TIMM44: variants seen among roughly 807,000 people sequenced by gnomAD.
The protein encoded by TIMM44 is mitochondrial import inner membrane translocase subunit TIM44.
Under a neutral mutation model 63.8 loss-of-function variants are expected in TIMM44, and 37 were observed. That is an observed-to-expected ratio of 0.58 (90% CI 0.45 to 0.76). The LOEUF (loss-of-function observed/expected upper bound fraction) is 0.76. Ranked by LOEUF, TIMM44 falls within the 30% of genes least tolerant of loss-of-function variation. The probability of loss-of-function intolerance (pLI) is 0.00; values close to 1 mark genes in which losing one functional copy is unlikely to be tolerated. For synonymous variants in TIMM44, 239 were observed against 245.1 expected, an observed-to-expected ratio of 0.98 and a Z score of 0.23; for missense variants, 573 against 603.8, an observed-to-expected ratio of 0.95 and a Z score of 0.54.
Position 7,933,146 on chromosome 19 carries a change from G to A in TIMM44, c.770-214C>T, listed in dbSNP as rs1984036322. The stretch of plus-strand genomic sequence containing the variant: ...CAGGCGCAGAGGCCCCTCAGCTGCG[G>A]CCCTAATGGGGCTGTGTAAGTTATG... On this transcript the variant is annotated intron_variant, in intron 7 of 12. Transcript: ENST00000270538. This position sits in a 1 kb window ranked among gnomAD's most constrained non-coding sequence, Gnocchi z 4.3. Among the ~76,000 whole-genome samples the A allele has an allele frequency of 6.6e-6, 1 of 152,144 alleles. No homozygotes were observed. The highest frequency in any genetic ancestry group is 1.5e-5 in the Non-Finnish European group (1 of 68,016).
chr19:7,937,268 C>CATAAA lies in TIMM44; in HGVS notation c.312+754_312+758dup, dbSNP rs113949042. On this transcript the variant is annotated intron_variant, in intron 3 of 12. Transcript: ENST00000270538. ...TGGATGACAGAGCAAGACTCCATCT[C>CATAAA]ATAAAATAAAATAAAATAAAATAAA... Among the ~76,000 whole-genome samples, 830 of 152,216 alleles carry CATAAA rather than the reference C, an allele frequency of 5.5e-3. 7 individuals are homozygous for CATAAA. Among genetic ancestry groups the CATAAA allele is most frequent in the African/African-American group, 9.3e-3 (388 of 41,518 alleles).
At position 7,935,157 on chromosome 19, in the gene TIMM44, G is replaced by A. The variant is rs1381965127; in HGVS notation, c.313-12C>T. 7.0e-6 allele frequency: 11 copies of A among 1,568,014 alleles called. No homozygotes were observed. Among genetic ancestry groups the A allele is most frequent in the Non-Finnish European group, 8.7e-6 (10 of 1,145,598 alleles). On this transcript the variant is annotated splice_polypyrimidine_tract_variant and intron_variant, in intron 3 of 12. Transcript: ENST00000270538. The stretch of plus-strand genomic sequence containing the variant: ...GACTCGATGGTTTTCTAGGTAAAGA[G>A]CGCTGTGTCCTTTTTTTTTTTTTTT...
intron 12 of TIMM44, 64 bp downstream of exon 12, chr19:7,927,593 G>A: frequency 3.4e-6 from 5 of 1,492,358 alleles, no homozygotes; most frequent in Non-Finnish European, 4.7e-6. Flanking sequence ...CTGCCAGGTG[G>A]CCACACACAG....
At position 7,943,602 on chromosome 19, in the gene TIMM44, C is replaced by T. The variant is rs761667987; in HGVS notation, c.45+5G>A. 1.3e-6 allele frequency: 2 copies of T among 1,563,128 alleles called. No homozygotes were observed. The highest frequency in any genetic ancestry group is 1.7e-6 in the Non-Finnish European group (2 of 1,160,988). ...TCGCCCTGCCAGCGCCGCACCGCCG[C>T]TCACCCGTGGACAGCGGCACCAGCC... On this transcript the variant is annotated splice_donor_5th_base_variant and intron_variant, in intron 1 of 12. Transcript: ENST00000270538. The surrounding 1 kb of genome is among the most constrained non-coding windows in gnomAD (Gnocchi z 4.3).
chr19:7,937,680 G>C (rs1355107588), intron 3 of TIMM44: 1 of 331,458 alleles, frequency 3.0e-6, no homozygotes, highest in Non-Finnish European at 5.8e-6. Context: ...CCCTGGCCTG[G>C]AGAAACCCTG....
chr19:7,930,038 A>G (rs186908530), intron 10 of TIMM44, among the ~76,000 whole-genome samples: 2,228 of 151,830 alleles, frequency 0.015, 48 homozygotes, highest in African/African-American at 0.051. Flanking sequence ...TAGTAGAGAC[A>G]GGGTTTCACC....
chr19:7,929,601 C>G (rs1235843060), intron 10 of TIMM44, among the ~76,000 whole-genome samples: 1 of 152,180 alleles, frequency 6.6e-6, no homozygotes, highest in Admixed American at 6.5e-5. Flanking sequence ...ACACTTCATT[C>G]TCACGACCCG....
chr19:7,935,113 G>T lies in TIMM44; in HGVS notation c.345C>A (p.Ser115Arg). The change falls in exon 4 of 13, where the codon AGC becomes AGA. Residue 115 changes from serine (S) to arginine (R), a missense_variant. Ser to Arg is a moderately radical substitution (Grantham distance 110, BLOSUM62 -1). Transcript: ENST00000270538. ...KTIESETVRT[S>R]EVLRKKLGEL... ...CCCCAAGCTTCTTCCGTAGCACCTC[G>T]CTCGTCCGCACGGTTTCTGACTCGA... The T allele has an allele frequency of 6.2e-7, 1 of 1,613,078 alleles. No individual in the cohort carries two copies. Among genetic ancestry groups the T allele is most frequent in the Non-Finnish European group, 8.5e-7 (1 of 1,179,858 alleles).
Position 7,934,478 on chromosome 19 carries a change from G to A in TIMM44, c.394-240C>T, listed in dbSNP as rs1984085908. On this transcript the variant is annotated intron_variant, in intron 4 of 12. Coordinates refer to ENST00000270538, the MANE Select transcript of TIMM44 (RefSeq NM_006351.4). The surrounding 1 kb of genome is among the most constrained non-coding windows in gnomAD (Gnocchi z 5.3). ...AGCACACCGGCACCCCCAGAGCCAT[G>A]AGCACACCGGCACCCCCAGAGCCAT... Among the ~76,000 whole-genome samples the A allele has an allele frequency of 6.8e-6, 1 of 147,694 alleles. No individual in the cohort carries two copies. The highest frequency in any genetic ancestry group is 2.1e-4 in the South Asian group (1 of 4,696).
rs150691815 is a variant in TIMM44 at position 7,934,778 on chromosome 19, C to T, written c.393+287G>A. Among the ~76,000 whole-genome samples, 26 of 152,336 alleles carry T rather than the reference C, an allele frequency of 1.7e-4. No individual in the cohort carries two copies. In the East Asian group the frequency reaches 5.0e-3, roughly 29 times the overall value. On this transcript the variant is annotated intron_variant, in intron 4 of 12. Transcript: ENST00000270538. This position sits in a 1 kb window ranked among gnomAD's most constrained non-coding sequence, Gnocchi z 5.3. ...TCGGGAGGGGGTGGAAGCGGCCCCT[C>T]TCCTCCTATTTTTAGGCAGGAAAAA...
rs761215044 is a variant in TIMM44 at position 7,938,059 on chromosome 19, A to G, written c.280T>C (p.Ser94Pro). 1 of 1,614,074 alleles carries G rather than the reference A, an allele frequency of 6.2e-7. No homozygotes were observed. The highest frequency in any genetic ancestry group is 1.7e-5 in the Admixed American group (1 of 59,990). The change falls in exon 3 of 13, where the codon TCA (serine) becomes CCA (proline). Residue 94 changes from serine (S) to proline (P), a missense_variant. By Grantham distance (74) the Ser-to-Pro change is moderately conservative. Transcript: ENST00000270538. The part of the protein sequence containing the change: ...FRDEARRLEE[S>P]DVLQEARRKY... Reference sequence around the variant, plus strand: ...CTTCTGGCCTCCTGGAGCACGTCTGATTCTTCTAGCCTTCTGGCCTCGTCA... The same window carrying G: ...CTTCTGGCCTCCTGGAGCACGTCTGGTTCTTCTAGCCTTCTGGCCTCGTCA...
chr19:7,927,666 C>T lies in TIMM44; in HGVS notation c.1230G>A (p.Glu410=), dbSNP rs991924572. 1.2e-6 allele frequency: 2 copies of T among 1,613,474 alleles called. No homozygotes were observed. The highest frequency in any genetic ancestry group is 8.5e-7 in the Non-Finnish European group (1 of 1,180,016). The part of the protein sequence containing the change: ...VVRNPKGEVV[E]GDPDKVLRML... ...CCACTCCCTCACTCACCGGGTCACC[C>T]TCCACCACCTCGCCTTTGGGGTTCC... Residue 410 remains glutamate, a synonymous_variant, in exon 12 of 13, where the codon GAG becomes GAA. Coordinates refer to ENST00000270538, the MANE Select transcript of TIMM44 (RefSeq NM_006351.4).
At chr19:7,929,348 G>A (rs3810213) in intron 10 of TIMM44, among the ~76,000 whole-genome samples, 17,620 of 152,232 alleles carry the variant, frequency 0.12, 1,081 homozygotes, top group Non-Finnish European at 0.13. Context: ...CCTTCCTGGT[G>A]TGGGAAGACT....
Position 7,932,656 on chromosome 19 carries a change from C to T in TIMM44, c.958G>A (p.Glu320Lys). ...AGGACATTGGGGATGATGTCGTTCT[C>T]GCACTGTTTCAGAAACCGGTCCTTG... is the stretch of plus-strand genomic sequence containing the variant. ...FDKDRFLKQCENDIIPNVLEA... is the reference protein window; with the variant it reads ...FDKDRFLKQCKNDIIPNVLEA... The change falls in exon 9 of 13, where the codon GAG (glutamate) becomes AAG (lysine). Residue 320 changes from glutamate (E) to lysine (K), a missense_variant. Coordinates refer to ENST00000270538, the MANE Select transcript of TIMM44 (RefSeq NM_006351.4). 6.2e-7 allele frequency: 1 copy of T among 1,614,090 alleles called. No homozygotes were observed. The highest frequency in any genetic ancestry group is 8.5e-7 in the Non-Finnish European group (1 of 1,180,022).
chr19:7,934,134 G>A lies in TIMM44; in HGVS notation c.498C>T (p.Gly166=), dbSNP rs780005890. Residue 166 remains glycine, a synonymous_variant, in exon 5 of 13, where the codon GGC becomes GGT. Transcript: ENST00000270538. The surrounding 1 kb of genome is among the most constrained non-coding windows in gnomAD (Gnocchi z 5.3). ...AKQSAESVSK[G]GEKLGRTAAF... is the part of the protein sequence containing the mutation. ...CCGCTGTCCTGCCCAGCTTCTCCCC[G>A]CCTTTGGATACCGACTCGGCCGACT... The A allele has an allele frequency of 6.2e-6, 10 of 1,613,320 alleles. No homozygotes were observed. In the East Asian group the frequency reaches 1.3e-4, roughly 22 times the overall value.
intron 10 of TIMM44, 124 bp downstream of exon 10, chr19:7,931,014 C>A: frequency 1.2e-6 from 1 of 820,326 alleles, no homozygotes. Context: ...GTGAGGATTC[C>A]CCCACCGGGA....
chr19:7,932,132 T>C (rs572521856), intron 9 of TIMM44: 5 of 177,700 alleles, frequency 2.8e-5, no homozygotes, highest in South Asian at 1.3e-4. Context: ...GAGAGGCTTA[T>C]AGGGGGCAGG....
chr19:7,939,521 G>A (rs1045622371), intron 2 of TIMM44, among the ~76,000 whole-genome samples: 1 of 151,226 alleles, frequency 6.6e-6, no homozygotes, highest in Non-Finnish European at 1.5e-5. Flanking sequence ...GCTGAGGCAG[G>A]AGAATCACTT....
In TIMM44 at chr19:7,934,115, T is replaced by C. The variant is rs1433712721; in HGVS notation, c.517A>G (p.Thr173Ala). 2 of 1,613,358 alleles carry C rather than the reference T, an allele frequency of 1.2e-6. No individual in the cohort carries two copies. The highest frequency in any genetic ancestry group is 4.5e-5 in the East Asian group (2 of 44,866). Residue 173 changes from threonine to alanine, a missense_variant, in exon 5 of 13, where the codon ACA becomes GCA. Thr to Ala is a moderately conservative substitution (Grantham distance 58). Transcript: ENST00000270538. The surrounding 1 kb of genome is among the most constrained non-coding windows in gnomAD (Gnocchi z 5.3). ...TGGGAGAGGGCTCTGAAGGCCGCTG[T>C]CCTGCCCAGCTTCTCCCCGCCTTTG... The part of the protein sequence containing the change: ...VSKGGEKLGR[T>A]AAFRALSQGV...
Sources: gnomAD v4.1 joint callset for allele counts (sites outside exome capture counted in the v4.1 genomes callset) on GRCh38, gnomAD v4.1.1 for gene constraint, Gnocchi (gnomAD v3.1) non-coding constraint, MANE v1.5 for transcripts, NCBI Gene and HGNC (gene_info 2026-07-23, HGNC 2026-07-21) for gene names.